The following CIITA variants were observed in gnomAD, a reference collection of about 807,000 sequenced individuals.
The protein encoded by CIITA is MHC class II transactivator.
CIITA carries 72 observed loss-of-function variants against 115.1 expected under a neutral mutation model. The observed-to-expected ratio is 0.63, with a 90% CI of 0.52 to 0.76. The LOEUF (loss-of-function observed/expected upper bound fraction) is 0.76. CIITA is among the 30% of genes least tolerant of loss of function. The pLI is 0.00. For missense variants in CIITA, 1,617 were observed against 1,463.8 expected (o/e 1.10, Z -1.71); for synonymous variants, 763 against 635.6 (o/e 1.20, Z -3.02).
Position 10,901,381 on chromosome 16 carries a change from G to A in CIITA, c.437-133G>A, listed in dbSNP as rs1009743272. On this transcript the variant is annotated intron_variant, in intron 5 of 19. Transcript: ENST00000324288. This position sits in a 1 kb window ranked among gnomAD's most constrained non-coding sequence, Gnocchi z 6.8. ...AGCTGGGGTTGGAATGTTAGAGCGA[G>A]GGGAGGAAAATGGACCCCCAAGACC... 3.4e-6 allele frequency: 3 copies of A among 883,620 alleles called. No individual in the cohort carries two copies. Among genetic ancestry groups the A allele is most frequent in the Admixed American group, 2.0e-5 (1 of 50,660 alleles). 54.7% of individuals were successfully genotyped at this position (883,620 alleles called of 1,614,324 possible). A position where few individuals can be genotyped will look rare whatever the true frequency, so the allele number is the denominator to read the frequency against.
chr16:10,886,666 C>T (rs1399007799), intron 1 of CIITA, among the ~76,000 whole-genome samples: 2 of 152,206 alleles, frequency 1.3e-5, no homozygotes, highest in Non-Finnish European at 2.9e-5. Flanking sequence ...TCAAGTGTCA[C>T]TTTGCTGTTT....
chr16:10,886,057 CT>C (rs71133402), intron 1 of CIITA, among the ~76,000 whole-genome samples: 275 of 132,154 alleles, frequency 2.1e-3, no homozygotes, highest in African/African-American at 6.0e-3. Context: ...CATGTTTTGC[CT>C]TTTTTTTTTT....
intron 11 of CIITA, chr16:10,908,482 G>A (rs763419807): frequency 9.6e-5 from 44 of 460,152 alleles, no homozygotes; most frequent in Non-Finnish European, 5.2e-5. Context: ...GTTTTCTTAT[G>A]CTAAGAGTAA....
At position 10,923,428 on chromosome 16, in the gene CIITA, G is replaced by GGTGGGGCTAC; in HGVS notation, c.*22+104_*22+105insTGGGGCTACG. On this transcript the variant is annotated intron_variant, in intron 19 of 19. Coordinates refer to ENST00000324288, the MANE Select transcript of CIITA (RefSeq NM_000246.4). This position sits in a 1 kb window ranked among gnomAD's most constrained non-coding sequence, Gnocchi z 5.2. ...TGTGGGCGGGACACAGGTGGGGCTA[G>GGTGGGGCTAC]GCCACCACCCTTGGACGCATGCGTC... 1 of 883,884 alleles carries GGTGGGGCTAC rather than the reference G, an allele frequency of 1.1e-6. No homozygotes were observed. The highest frequency in any genetic ancestry group is 1.4e-5 in the South Asian group (1 of 73,952). The allele number at this position is 883,884 out of a possible 1,614,324, so 54.8% of individuals were successfully genotyped here.
chr16:10,919,288 C>T (rs1223392370), intron 16 of CIITA, among the ~76,000 whole-genome samples: 1 of 135,352 alleles, frequency 7.4e-6, no homozygotes, highest in African/African-American at 2.7e-5. Context: ...CTGCCCCCCC[C>T]CAGGTTCAAG....
At position 10,902,714 on chromosome 16, in the gene CIITA, T is replaced by C; in HGVS notation, c.685T>C (p.Phe229Leu). ...CLNLPEGPIQ[F>L]VPTISTLPHG... ...GAATCTCCCTGAGGGACCCATCCAGTTTGTCCCCACCATCTCCACTCTGCC... is the reference window on the plus strand; with the variant it reads ...GAATCTCCCTGAGGGACCCATCCAGCTTGTCCCCACCATCTCCACTCTGCC... Residue 229 changes from phenylalanine to leucine, a missense_variant, in exon 8 of 20, where the codon TTT (phenylalanine) becomes CTT (leucine). Transcript: ENST00000324288. 4.3e-6 allele frequency: 7 copies of C among 1,614,230 alleles called. No individual in the cohort carries two copies. The highest frequency in any genetic ancestry group is 5.9e-6 in the Non-Finnish European group (7 of 1,180,034).
downstream of CIITA, chr16:10,938,538 AC>A (rs1333188367): frequency 1.3e-5 from 2 of 152,202 alleles, no homozygotes; most frequent in Non-Finnish European, 2.9e-5. The surrounding 1 kb of genome is among the most constrained non-coding windows in gnomAD (Gnocchi z 4.9). Context: ...AGGACTGACT[AC>A]CGGCGTTCCC....
rs547778577 is a variant in CIITA, at chr16:10,901,306, T to A, written c.437-208T>A. On this transcript the variant is annotated intron_variant, in intron 5 of 19. Coordinates refer to ENST00000324288, the MANE Select transcript of CIITA (RefSeq NM_000246.4). This position sits in a 1 kb window ranked among gnomAD's most constrained non-coding sequence, Gnocchi z 6.8. Reference sequence around the variant, plus strand: ...CCATTTGTGACTCGGCCTCTTCTGCTGCTACACTGCCTGGTATGGTTTGAG... The same window carrying A: ...CCATTTGTGACTCGGCCTCTTCTGCAGCTACACTGCCTGGTATGGTTTGAG... 6.6e-6 allele frequency among the ~76,000 whole-genome samples: 1 copy of A among 152,324 alleles called. No homozygotes were observed. The highest frequency in any genetic ancestry group is 1.9e-4 in the East Asian group (1 of 5,186).
intron 5 of CIITA, among the ~76,000 whole-genome samples, chr16:10,900,705 A>C (rs1169962024): frequency 1.3e-5 from 2 of 151,478 alleles, no homozygotes; most frequent in Non-Finnish European, 1.5e-5. Context: ...GCGCCAGTGC[A>C]CTCCAGCCTG....
rs1596592027 is a variant in CIITA at position 10,916,232 on chromosome 16, C to T, written c.2970-135C>T. 40 of 790,996 alleles carry T rather than the reference C, an allele frequency of 5.1e-5. 2 individuals carry two copies. The highest frequency in any genetic ancestry group is 4.9e-4 in the South Asian group (33 of 67,432). 49.0% of individuals were successfully genotyped at this position (790,996 alleles called of 1,614,324 possible). A position where few individuals can be genotyped will look rare whatever the true frequency, so the allele number is the denominator to read the frequency against. On this transcript the variant is annotated intron_variant, in intron 14 of 19. Coordinates refer to ENST00000324288, the MANE Select transcript of CIITA (RefSeq NM_000246.4). ...CTCGTCTGAAAAGCTCAGGAATGTG[C>T]CGGCTGCCTATGGTGTATTAGAGCT...
chr16:10,880,522 C>T (rs536403518), intron 1 of CIITA, among the ~76,000 whole-genome samples: 93 of 152,258 alleles, frequency 6.1e-4, no homozygotes, highest in South Asian at 2.1e-3. Context: ...AGTTTGCAGA[C>T]GCAGGATTTG....
At chr16:10,908,607 G>C in intron 11 of CIITA, 1 of 424,278 alleles carries the variant, frequency 2.4e-6, no homozygotes, top group South Asian at 2.2e-5. Context: ...TCCCATCCCT[G>C]CTTACAATCC....
chr16:10,942,659 A>T lies in CIITA; in HGVS notation n.1785A>T, dbSNP rs1354961165. 2 of 152,278 alleles carry T rather than the reference A, an allele frequency of 1.3e-5. No homozygotes were observed. The highest frequency in any genetic ancestry group is 2.9e-5 in the Non-Finnish European group (2 of 68,084). 9.4% of individuals were successfully genotyped at this position (152,278 alleles called of 1,614,324 possible). A position where few individuals can be genotyped will look rare whatever the true frequency, so the allele number is the denominator to read the frequency against. ...GGTCTGCCCTCAGATCTCAAATCGA[A>T]TTCGCTCTGCGTATCGAATAGGGGG... On this transcript the variant is annotated non_coding_transcript_exon_variant, in exon 2 of 2. Transcript: ENST00000573379. The surrounding 1 kb of genome is among the most constrained non-coding windows in gnomAD (Gnocchi z 5.0).
chr16:10,918,150 C>T (rs991691201), intron 15 of CIITA, among the ~76,000 whole-genome samples: 10 of 152,200 alleles, frequency 6.6e-5, no homozygotes, highest in African/African-American at 2.4e-4. Context: ...ACAAATAATG[C>T]CAACACTTAT....
intron 7 of CIITA, 109 bp downstream of exon 7, chr16:10,902,293 C>T: frequency 6.9e-7 from 1 of 1,453,024 alleles, no homozygotes; most frequent in Non-Finnish European, 9.4e-7. Flanking sequence ...TCTCCCCAAC[C>T]CTATCAGTGT....
chr16:10,899,493 C>G (rs1355047762), intron 5 of CIITA, among the ~76,000 whole-genome samples: 1 of 152,166 alleles, frequency 6.6e-6, no homozygotes, highest in Non-Finnish European at 1.5e-5. Context: ...TGTCTTTTTC[C>G]TTGCAGTTTA....
intron 10 of CIITA, 81 bp from the exon 11 acceptor site, chr16:10,906,418 T>C (rs1283794097): frequency 7.0e-7 from 1 of 1,428,522 alleles, no homozygotes; most frequent in Non-Finnish European, 9.8e-7. Flanking sequence ...TAAATGATGG[T>C]GGCAGTGCTG....
rs546899720 is a variant in CIITA, at chr16:10,920,390, G to C, written c.3150-1777G>C. ...AGCCTCCCAAGTAGCTGGGATTACA[G>C]ATGCCCGCCACCACACCAGGCTATT... On this transcript the variant is annotated intron_variant, in intron 16 of 19. Coordinates refer to ENST00000324288, the MANE Select transcript of CIITA (RefSeq NM_000246.4). This position sits in a 1 kb window ranked among gnomAD's most constrained non-coding sequence, Gnocchi z 4.5. Among the ~76,000 whole-genome samples the C allele has an allele frequency of 1.3e-5, 2 of 152,306 alleles. No individual in the cohort carries two copies. The highest frequency in any genetic ancestry group is 3.9e-4 in the East Asian group (2 of 5,180).
At chr16:10,866,597 A>G (rs748366268) in intron 1 of CIITA, 2 of 504,426 alleles carry the variant, frequency 4.0e-6, no homozygotes, top group Non-Finnish European at 7.9e-6. Flanking sequence ...CTTTTAATCA[A>G]GGAGAAATGA....
Sources: gnomAD v4.1 joint callset for allele counts (sites outside exome capture counted in the v4.1 genomes callset) on GRCh38, gnomAD v4.1.1 for gene constraint, Gnocchi (gnomAD v3.1) non-coding constraint, MANE v1.5 for transcripts, NCBI Gene and HGNC (gene_info 2026-07-23, HGNC 2026-07-21) for gene names.